AGMO: variants seen among roughly 807,000 people sequenced by gnomAD.
AGMO encodes glyceryl-ether monooxygenase.
AGMO carries 75 observed loss-of-function variants against 60.2 expected under a neutral mutation model. The observed-to-expected ratio is 1.25, with a 90% CI of 1.03 to 1.51. AGMO has a LOEUF of 1.51. Among genes scored for constraint, AGMO ranks in the 40% most tolerant of loss-of-function variants. AGMO has a pLI of 0.00. For missense variants in AGMO, 763 were observed against 525.5 expected (o/e 1.45, Z -4.42); for synonymous variants, 261 against 177.1 (o/e 1.47, Z -3.76).
In AGMO at chr7:15,338,349, A is replaced by C. The variant is rs146105912; in HGVS notation, c.1263+27165T>G. On this transcript the variant is annotated intron_variant, in intron 12 of 12. Transcript: ENST00000342526. Reference sequence around the variant, plus strand: ...TGAACATTTAATAGTTATATACATTAATTTTTAACTGTAGAGAAGGACAAT... The same window carrying C: ...TGAACATTTAATAGTTATATACATTCATTTTTAACTGTAGAGAAGGACAAT... Among the ~76,000 whole-genome samples the C allele has an allele frequency of 3.2e-4, 49 of 152,330 alleles. No homozygotes were observed. In the East Asian group the frequency reaches 6.8e-3, roughly 21 times the overall value.
intron 12 of AGMO, among the ~76,000 whole-genome samples, chr7:15,343,919 T>C (rs1405816907): frequency 6.6e-6 from 1 of 152,182 alleles, no homozygotes; most frequent in Non-Finnish European, 1.5e-5. Context: ...TTCTCTCATG[T>C]ACACAAGGAA....
chr7:15,142,070 G>C, the AGMO span, among the ~76,000 whole-genome samples: 2 of 152,092 alleles, frequency 1.3e-5, no homozygotes, highest in Non-Finnish European at 2.9e-5. Context: ...ATACTATACA[G>C]TGGGTTTCAG....
chr7:15,245,488 C>T (rs947254781), intron 12 of AGMO, among the ~76,000 whole-genome samples: 3 of 152,150 alleles, frequency 2.0e-5, no homozygotes, highest in Non-Finnish European at 4.4e-5. Flanking sequence ...AGCCTTCCTT[C>T]CTTTTTCTGA....
At chr7:15,269,311 A>C (rs978967855) in intron 12 of AGMO, among the ~76,000 whole-genome samples, 1 of 152,092 alleles carries the variant, frequency 6.6e-6, no homozygotes, top group African/African-American at 2.4e-5. Flanking sequence ...GAAGTGCAAG[A>C]AGATTAAGGG....
intron 3 of AGMO, among the ~76,000 whole-genome samples, chr7:15,504,779 T>TAA (rs77098444): frequency 0.068 from 7,866 of 116,462 alleles, 633 homozygotes; most frequent in African/African-American, 0.22. Flanking sequence ...CTAGTTAAAA[T>TAA]AAAAAAAAAA....
downstream of AGMO, among the ~76,000 whole-genome samples, chr7:15,197,669 C>T (rs552832734): frequency 2.6e-5 from 4 of 152,190 alleles, no homozygotes; most frequent in South Asian, 2.1e-4. Flanking sequence ...AGTAAACTTA[C>T]GATGTTGCCA....
At chr7:15,522,486 T>G (rs1784023582) in intron 3 of AGMO, among the ~76,000 whole-genome samples, 1 of 152,158 alleles carries the variant, frequency 6.6e-6, no homozygotes, top group Non-Finnish European at 1.5e-5. Context: ...AGCATGGTAC[T>G]AGTACCAAAA....
At chr7:15,315,526 C>T (rs535529344) in intron 12 of AGMO, among the ~76,000 whole-genome samples, 18 of 151,604 alleles carry the variant, frequency 1.2e-4, no homozygotes, top group African/African-American at 3.4e-4. Flanking sequence ...TTAGTAGAGA[C>T]GGGGTTTCAC....
intron 3 of AGMO, among the ~76,000 whole-genome samples, chr7:15,455,839 G>C (rs534367985): frequency 6.6e-6 from 1 of 151,942 alleles, no homozygotes; most frequent in Admixed American, 6.6e-5. Context: ...GCTAGTTTAC[G>C]TTTCTATTCC....
intron 9 of AGMO, among the ~76,000 whole-genome samples, chr7:15,387,043 T>C (rs1309311338): frequency 6.6e-6 from 1 of 152,208 alleles, no homozygotes; most frequent in Non-Finnish European, 1.5e-5. Flanking sequence ...TTAGACTGGC[T>C]CATTCCTAAG....
intron 3 of AGMO, among the ~76,000 whole-genome samples, chr7:15,484,997 G>A (rs945266155): frequency 6.6e-6 from 1 of 151,994 alleles, no homozygotes; most frequent in Non-Finnish European, 1.5e-5. Context: ...ACAAGATAAT[G>A]TGATATAAGT....
At chr7:15,216,783 G>A (rs1030715338) in intron 12 of AGMO, among the ~76,000 whole-genome samples, 4 of 151,740 alleles carry the variant, frequency 2.6e-5, no homozygotes, top group Admixed American at 6.6e-5. Flanking sequence ...CATATCAATT[G>A]AGCATGCATT....
chr7:15,151,965 T>A, the AGMO span, among the ~76,000 whole-genome samples: 1 of 152,194 alleles, frequency 6.6e-6, no homozygotes, highest in Non-Finnish European at 1.5e-5. Flanking sequence ...CCAATTGCAT[T>A]CTGAAATTTC....
chr7:15,355,288 G>C (rs990417964), intron 12 of AGMO, among the ~76,000 whole-genome samples: 12 of 152,110 alleles, frequency 7.9e-5, no homozygotes, highest in South Asian at 2.1e-4. Flanking sequence ...GGATCACAAG[G>C]TCAGGAGATC....
intron 12 of AGMO, among the ~76,000 whole-genome samples, chr7:15,217,397 C>G (rs200260641): frequency 1.3e-5 from 2 of 151,568 alleles, no homozygotes; most frequent in African/African-American, 4.9e-5. Flanking sequence ...TGCACACACA[C>G]AAGAAAAACA....
intron 12 of AGMO, among the ~76,000 whole-genome samples, chr7:15,216,833 A>AGTGTGT (rs1181410197): frequency 0.42 from 61,365 of 146,852 alleles, 14,064 homozygotes; most frequent in East Asian, 0.59. Context: ...TGAAAGAAAA[A>AGTGTGT]GTGTGTGTGT....
intron 12 of AGMO, among the ~76,000 whole-genome samples, chr7:15,325,662 A>T (rs1455444245): frequency 6.6e-6 from 1 of 152,212 alleles, no homozygotes; most frequent in Non-Finnish European, 1.5e-5. Context: ...AAGAAATGTC[A>T]TGTAAAAAGC....
At chr7:15,389,878 A>G (rs1487714418) in intron 8 of AGMO, among the ~76,000 whole-genome samples, 1 of 152,166 alleles carries the variant, frequency 6.6e-6, no homozygotes, top group Non-Finnish European at 1.5e-5. Flanking sequence ...GATGTTAACA[A>G]TTTTGTTATT....
At chr7:15,302,249 T>C (rs2128526689) in intron 12 of AGMO, among the ~76,000 whole-genome samples, 1 of 152,266 alleles carries the variant, frequency 6.6e-6, no homozygotes, top group Middle Eastern at 3.4e-3. Context: ...ATTTTTTACC[T>C]CTGAAATAAA....
Sources: gnomAD v4.1 joint callset for allele counts (sites outside exome capture counted in the v4.1 genomes callset) on GRCh38, gnomAD v4.1.1 for gene constraint, MANE v1.5 for transcripts, NCBI Gene and HGNC (gene_info 2026-07-23, HGNC 2026-07-21) for gene names.